NUP210: variants seen among roughly 807,000 people sequenced by gnomAD.
The protein encoded by NUP210 is nuclear pore membrane glycoprotein 210.
A neutral mutation model predicts 196.0 loss-of-function variants in NUP210; 151 were observed. The observed-to-expected ratio is 0.77, with a 90% CI of 0.67 to 0.88. The LOEUF (loss-of-function observed/expected upper bound fraction) is 0.88. Among genes scored for constraint, NUP210 ranks in the 40% least tolerant of loss-of-function variants. NUP210 has a pLI of 0.00. For missense variants in NUP210, 2,314 were observed against 2,493.7 expected, an observed-to-expected ratio of 0.93 and a Z score of 1.53; for synonymous variants, 1,070 against 1,052.7, an observed-to-expected ratio of 1.02 and a Z score of -0.32.
At position 13,330,566 on chromosome 3, in the gene NUP210, T is replaced by TCAA; in HGVS notation, c.4001_4003dup (p.Val1334dup). 1.9e-6 allele frequency: 3 copies of TCAA among 1,614,216 alleles called. No individual in the cohort carries two copies. The Admixed American group carries it at 5.0e-5, about 27-fold the overall frequency. ...CCCTGATGCTAGAAAGCCTTTCTCA[T>TCAA]CAACATGCACAACTGGAACCTTTTC... On this transcript the variant is annotated inframe_insertion, in exon 30 of 40. Coordinates refer to ENST00000254508, the MANE Select transcript of NUP210 (RefSeq NM_024923.4).
chr3:13,376,955 A>T (rs1193970545), intron 9 of NUP210, among the ~76,000 whole-genome samples: 1 of 151,706 alleles, frequency 6.6e-6, no homozygotes, highest in Non-Finnish European at 1.5e-5. Context: ...GGCAGCCAAG[A>T]CTCCTGCACA....
intron 13 of NUP210, among the ~76,000 whole-genome samples, chr3:13,370,144 G>A (rs1188201230): frequency 2.0e-5 from 3 of 152,100 alleles, no homozygotes; most frequent in Non-Finnish European, 2.9e-5. Context: ...TGTCCTGACA[G>A]AGCCCAGGTT....
chr3:13,388,074 G>A (rs1359260536), intron 5 of NUP210, among the ~76,000 whole-genome samples: 2 of 152,142 alleles, frequency 1.3e-5, no homozygotes, highest in South Asian at 4.1e-4. Flanking sequence ...CAAATGCTAT[G>A]CACCCCTAGA....
intron 1 of NUP210, among the ~76,000 whole-genome samples, chr3:13,410,925 A>AT (rs1559351124): frequency 7.0e-6 from 1 of 143,066 alleles, no homozygotes; most frequent in Non-Finnish European, 1.5e-5. Flanking sequence ...CTCAAAAAAA[A>AT]AAAAAAAAAA....
At chr3:13,343,333 G>T in intron 20 of NUP210, 30 bp from the exon 21 acceptor site, 1 of 1,593,586 alleles carries the variant, frequency 6.3e-7, no homozygotes, top group South Asian at 1.1e-5. Flanking sequence ...GTGGAGGGGT[G>T]GGTGGTGGGT....
intron 20 of NUP210, among the ~76,000 whole-genome samples, chr3:13,351,388 G>A (rs866048064): frequency 4.6e-5 from 7 of 152,210 alleles, no homozygotes; most frequent in African/African-American, 1.7e-4. Flanking sequence ...TGTGGACAGG[G>A]AATACAAATC....
At chr3:13,330,205 A>G (rs1249045617) in intron 30 of NUP210, among the ~76,000 whole-genome samples, 2 of 152,340 alleles carry the variant, frequency 1.3e-5, no homozygotes. Context: ...CCTTACGCCA[A>G]TCATGGACCT....
chr3:13,375,254 G>A (rs1026274687), intron 11 of NUP210, among the ~76,000 whole-genome samples: 1 of 150,704 alleles, frequency 6.6e-6, no homozygotes, highest in East Asian at 2.0e-4. Flanking sequence ...CTCCGAAAGT[G>A]CTGGGACTGC....
rs77829088 is a variant in NUP210, at chr3:13,364,228, G to A, written c.1932+1718C>T. 3.4e-4 allele frequency among the ~76,000 whole-genome samples: 52 copies of A among 152,196 alleles called. 1 individual carries two copies. In the East Asian group the frequency reaches 9.8e-3, roughly 29 times the overall value. On this transcript the variant is annotated intron_variant, in intron 14 of 39. Coordinates refer to ENST00000254508, the MANE Select transcript of NUP210 (RefSeq NM_024923.4). ...GTCACTTCATGGGGACAAAGGTTCT[G>A]TGTTCTCTGCCCTGGTGCAACTCTA...
intron 1 of NUP210, among the ~76,000 whole-genome samples, chr3:13,409,271 C>G (rs1700089422): frequency 6.6e-6 from 1 of 152,226 alleles, no homozygotes; most frequent in Non-Finnish European, 1.5e-5. Context: ...ATCCTCACCT[C>G]TGAGGTGATG....
intron 37 of NUP210, among the ~76,000 whole-genome samples, 175 bp downstream of exon 37, chr3:13,319,588 C>T (rs1696425615): frequency 6.6e-6 from 1 of 152,210 alleles, no homozygotes; most frequent in Non-Finnish European, 1.5e-5. Context: ...GATGGGAAAG[C>T]TGGGCAACTA....
intron 12 of NUP210, among the ~76,000 whole-genome samples, 170 bp from the exon 13 acceptor site, chr3:13,372,202 G>A (rs528949840): frequency 6.6e-6 from 1 of 152,346 alleles, no homozygotes; most frequent in African/African-American, 2.4e-5. Flanking sequence ...AGGCCTCTCT[G>A]AGGAGTGGCC....
chr3:13,324,668 G>A (rs948014397), intron 33 of NUP210, among the ~76,000 whole-genome samples: 1 of 152,130 alleles, frequency 6.6e-6, no homozygotes, highest in African/African-American at 2.4e-5. Context: ...CTGAGGGCCT[G>A]GCCTCAGTCT....
chr3:13,338,235 G>A (rs945226731), intron 25 of NUP210, among the ~76,000 whole-genome samples: 1 of 152,150 alleles, frequency 6.6e-6, no homozygotes, highest in African/African-American at 2.4e-5. Context: ...TCTTCCTTAG[G>A]CCTGGCTGCC....
Position 13,354,071 on chromosome 3 carries a change from G to A in NUP210, c.2365C>T (p.Leu789=). ...VSSHRNPRLD[L]AAYDQEGRRF... The stretch of plus-strand genomic sequence containing the variant: ...CGGCCCTCCTGGTCGTAAGCAGCCA[G>A]GTCCAGCCGGGGGTTGCGGTGGCTG... Residue 789 remains leucine (L), a synonymous_variant, in exon 17 of 40, where the codon CTG becomes TTG. Transcript: ENST00000254508. The A allele has an allele frequency of 6.2e-7, 1 of 1,602,984 alleles. No individual in the cohort carries two copies. The highest frequency in any genetic ancestry group is 1.1e-5 in the South Asian group (1 of 89,198).
In NUP210 at chr3:13,373,790, T is replaced by C; in HGVS notation, c.1515A>G (p.Thr505=). 1 of 1,614,148 alleles carries C rather than the reference T, an allele frequency of 6.2e-7. No individual in the cohort carries two copies. Among genetic ancestry groups the C allele is most frequent in the Non-Finnish European group, 8.5e-7 (1 of 1,180,000 alleles). ...ATVTVKGVMT[T]GSDIGFSVIQ... ...TCACACTGAACCCGATGTCACTGCC[T>C]GTGGTCATCACGCCCTTGACAGTAA... Residue 505 remains threonine, a synonymous_variant, in exon 12 of 40, where the codon ACA becomes ACG. Coordinates refer to ENST00000254508, the MANE Select transcript of NUP210 (RefSeq NM_024923.4).
At chr3:13,412,255 A>G (rs1158258133) in intron 1 of NUP210, among the ~76,000 whole-genome samples, 8 of 67,138 alleles carry the variant, frequency 1.2e-4, no homozygotes, top group African/African-American at 9.5e-4. Flanking sequence ...TTTAGTAGAG[A>G]CAGGGTTTCG....
intron 16 of NUP210, among the ~76,000 whole-genome samples, chr3:13,355,954 C>T (rs1317002800): frequency 6.6e-6 from 1 of 152,182 alleles, no homozygotes; most frequent in Admixed American, 6.5e-5. Flanking sequence ...GGTCCAGGGA[C>T]GTTAAATGTT....
At position 13,371,880 on chromosome 3, in the gene NUP210, G is replaced by A. The variant is rs1483659804; in HGVS notation, c.1740C>T (p.Asp580=). The A allele has an allele frequency of 6.2e-7, 1 of 1,610,902 alleles. No homozygotes were observed. The highest frequency in any genetic ancestry group is 1.1e-5 in the South Asian group (1 of 90,364). The change falls in exon 13 of 40, where the codon GAC becomes GAT. Residue 580 remains aspartate (D), a synonymous_variant. Coordinates refer to ENST00000254508, the MANE Select transcript of NUP210 (RefSeq NM_024923.4). The part of the protein sequence containing the change: ...VVTLSDCSHF[D]LAVEVENQGV... ...CCTGGTTCTCCACCTCGACAGCCAA[G>A]TCAAAGTGGGAGCAGTCGCTCAAGG...
Sources: allele counts gnomAD v4.1 joint callset (sites outside exome capture counted in the v4.1 genomes callset), GRCh38; gene constraint gnomAD v4.1.1; transcripts MANE v1.5; gene names NCBI Gene and HGNC (gene_info 2026-07-23, HGNC 2026-07-21).